ZNF208: variants seen among roughly 807,000 people sequenced by gnomAD.
ZNF208 encodes zinc finger protein 95.
In ZNF208, 10 loss-of-function variants were observed where a neutral mutation model predicts 12.1. The ratio of observed to expected loss-of-function variants is 0.83; its 90% CI spans 0.51 to 1.40. The LOEUF is 1.40. Among genes scored for constraint, ZNF208 ranks in the 40% most tolerant of loss-of-function variants. ZNF208 has a pLI of 0.00. For synonymous variants in ZNF208, 497 were observed against 488.4 expected, an observed-to-expected ratio of 1.02 and a Z score of -0.23; for missense variants, 1,652 against 1,485.0, an observed-to-expected ratio of 1.11 and a Z score of -1.85.
At position 21,974,607 on chromosome 19, in the gene ZNF208, T is replaced by A; in HGVS notation, c.427A>T (p.Lys143Ter). The A allele has an allele frequency of 6.2e-7, 1 of 1,613,744 alleles. No individual in the cohort carries two copies. Among genetic ancestry groups the A allele is most frequent in the Non-Finnish European group, 8.5e-7 (1 of 1,179,740 alleles). The change falls in exon 4 of 4, where the codon AAA becomes TAA. Residue 143 changes from lysine to a stop codon, truncating the protein, a stop_gained. Transcript: ENST00000397126. LOFTEE classifies it low-confidence loss of function (END_TRUNC). Reference protein sequence around the residue: ...LNQSLTTTQSKVFQRGKYANV... With the variant: ...LNQSLTTTQS ...GCATATTTGCCACGTTGAAATACTT[T>A]GCTCTGTGTAGTTGTCAAACTCTGG...
chr19:21,983,051 G>T (rs975979223), intron 3 of ZNF208, among the ~76,000 whole-genome samples: 1 of 151,980 alleles, frequency 6.6e-6, no homozygotes, highest in African/African-American at 2.4e-5. Flanking sequence ...CACAGCAAAA[G>T]AAACTATCAT....
At chr19:21,951,565 G>T (rs1027770055) in intron 4 of ZNF208, among the ~76,000 whole-genome samples, 1 of 152,178 alleles carries the variant, frequency 6.6e-6, no homozygotes, top group Non-Finnish European at 1.5e-5. Flanking sequence ...ATCATATGGT[G>T]TTCCTTAAAA....
chr19:21,970,693 A>C lies in ZNF208; in HGVS notation c.*498T>G, dbSNP rs2359812. ...TTTGCCACATTCTTCTCATTTGTAGAGTTTCTCTCCAGCATGAATTTTCTT... is the reference window on the plus strand; with the variant it reads ...TTTGCCACATTCTTCTCATTTGTAGCGTTTCTCTCCAGCATGAATTTTCTT... On this transcript the variant is annotated 3_prime_UTR_variant, in exon 4 of 4. Transcript: ENST00000397126. 1 of 1,126,986 alleles carries C rather than the reference A, an allele frequency of 8.9e-7. No individual in the cohort carries two copies. Among genetic ancestry groups the C allele is most frequent in the South Asian group, 1.2e-5 (1 of 81,288 alleles). 69.8% of individuals were successfully genotyped at this position (1,126,986 alleles called of 1,614,324 possible).
chr19:21,940,694 G>A (rs756540261), intron 4 of ZNF208: 1 of 152,364 alleles, frequency 6.6e-6, no homozygotes, highest in Non-Finnish European at 1.5e-5. Flanking sequence ...GCTCAGGCGT[G>A]AGGGGTGCGG....
chr19:21,939,876 G>C (rs1969706106), intron 4 of ZNF208: 1 of 152,140 alleles, frequency 6.6e-6, no homozygotes, highest in Non-Finnish European at 1.5e-5. Flanking sequence ...GTTAAAATGA[G>C]AAATCAGTTA....
intron 3 of ZNF208, 37 bp downstream of exon 3, chr19:21,987,179 C>T: frequency 1.9e-6 from 3 of 1,589,846 alleles, no homozygotes; most frequent in Non-Finnish European, 2.6e-6. Flanking sequence ...TGACTTTCGA[C>T]CTCTCATCCA....
In ZNF208 at chr19:21,974,044, T is replaced by G. The variant is rs573880477; in HGVS notation, c.990A>C (p.Thr330=). 1.4e-4 allele frequency: 184 copies of G among 1,326,650 alleles called. 22 individuals carry two copies. In the South Asian group the frequency reaches 1.6e-3, roughly 11 times the overall value. The allele number at this position is 1,326,650 out of a possible 1,614,324, so 82.2% of individuals were successfully genotyped here. Residue 330 remains threonine (T), a synonymous_variant, in exon 4 of 4, where the codon ACA becomes ACC. Coordinates refer to ENST00000397126, the MANE Select transcript of ZNF208 (RefSeq NM_007153.3). ...KAFSKVSTLI[T]HKAIHAGEKP... ...TCTCTCCAGCATGAATTGCCTTATG[T>G]GTAATAAGGGTTGAGACCTTACTGA...
At position 21,968,441 on chromosome 19, in the gene ZNF208, CCTA is replaced by C. The variant is rs1362538215; in HGVS notation, c.*2747_*2749del. The stretch of plus-strand genomic sequence containing the variant: ...GGTTTTCTTGAATGCTTTTTCTGCC[CCTA>C]CTGTTATTTTTTTTTCTTTTAATTA... On this transcript the variant is annotated 3_prime_UTR_variant, in exon 4 of 4. Coordinates refer to ENST00000397126, the MANE Select transcript of ZNF208 (RefSeq NM_007153.3). The C allele has an allele frequency of 6.6e-6, 1 of 151,816 alleles. No homozygotes were observed. The highest frequency in any genetic ancestry group is 6.6e-5 in the Admixed American group (1 of 15,236). The allele number at this position is 151,816 out of a possible 1,614,324, so 9.4% of individuals were successfully genotyped here.
At chr19:22,006,638 T>G (rs918968617) in intron 1 of ZNF208, among the ~76,000 whole-genome samples, 2 of 152,208 alleles carry the variant, frequency 1.3e-5, no homozygotes, top group Non-Finnish European at 2.9e-5. Context: ...CAGGAAAGGC[T>G]TTCCAGAAGG....
chr19:21,971,752 G>A lies in ZNF208; in HGVS notation c.3282C>T (p.Phe1094=), dbSNP rs1386664507. ...PYKCEECGKA[F]NWSSNLMEHK... ...GTTCCATAAGGTTTGAGGACCAGTTGAAAGCTTTGCCACATTCTTCACATT... is the reference window on the plus strand; with the variant it reads ...GTTCCATAAGGTTTGAGGACCAGTTAAAAGCTTTGCCACATTCTTCACATT... The change falls in exon 4 of 4, where the codon TTC becomes TTT. Residue 1094 remains phenylalanine, a synonymous_variant. Transcript: ENST00000397126. 3 of 1,609,980 alleles carry A rather than the reference G, an allele frequency of 1.9e-6. No homozygotes were observed. The highest frequency in any genetic ancestry group is 2.2e-5 in the South Asian group (2 of 90,854).
intron 4 of ZNF208, among the ~76,000 whole-genome samples, chr19:21,942,228 T>C (rs1969752418): frequency 6.6e-6 from 1 of 152,126 alleles, no homozygotes. Flanking sequence ...CAGTAATAAA[T>C]ATTCACAAAT....
At chr19:21,940,092 G>A (rs1009383399) in intron 4 of ZNF208, 1 of 152,178 alleles carries the variant, frequency 6.6e-6, no homozygotes, top group African/African-American at 2.4e-5. Context: ...AGATCACGAG[G>A]TGGGGAGTTC....
chr19:21,956,878 A>C (rs1969986806), intron 4 of ZNF208, among the ~76,000 whole-genome samples: 1 of 152,194 alleles, frequency 6.6e-6, no homozygotes, highest in Non-Finnish European at 1.5e-5. Context: ...CCAGTACCTC[A>C]GTTGAAAATG....
At chr19:21,986,137 A>G (rs1332298032) in intron 3 of ZNF208, among the ~76,000 whole-genome samples, 2 of 152,144 alleles carry the variant, frequency 1.3e-5, no homozygotes, top group African/African-American at 2.4e-5. Flanking sequence ...TTCATTGTCA[A>G]TGCTTCTATT....
At chr19:21,981,893 C>A (rs747095441) in intron 3 of ZNF208, among the ~76,000 whole-genome samples, 6 of 152,152 alleles carry the variant, frequency 3.9e-5, no homozygotes, top group Non-Finnish European at 7.4e-5. Context: ...GCAAAAATCA[C>A]AAGCATTCCT....
intron 1 of ZNF208, among the ~76,000 whole-genome samples, chr19:21,990,475 A>G (rs1368452357): frequency 6.6e-6 from 1 of 151,726 alleles, no homozygotes; most frequent in Non-Finnish European, 1.5e-5. Context: ...TACCAGTACC[A>G]TGATGTTTTG....
chr19:21,958,035 T>C lies in ZNF208; in HGVS notation c.305+16694A>G, dbSNP rs539466544. ...GGAGTGTGATGTTTCCCTTCCTGTG[T>C]CCATGTGTTCTTATTGTTCAATTCC... is the stretch of plus-strand genomic sequence containing the variant. On this transcript the variant is annotated intron_variant, in intron 4 of 4. Coordinates refer to the ZNF208 transcript ENST00000599916. 3.3e-5 allele frequency among the ~76,000 whole-genome samples: 5 copies of C among 152,058 alleles called. No homozygotes were observed. The South Asian group carries it at 1.0e-3, about 32-fold the overall frequency.
At chr19:21,963,431 T>C (rs1248260874), downstream of ZNF208, among the ~76,000 whole-genome samples, 1 of 152,022 alleles carries the variant, frequency 6.6e-6, no homozygotes, top group African/African-American at 2.4e-5. Context: ...ATTGAAGAAA[T>C]GTTTTAACCA....
intron 1 of ZNF208, among the ~76,000 whole-genome samples, chr19:21,991,889 A>T (rs188419582): frequency 1.8e-3 from 264 of 150,740 alleles, no homozygotes; most frequent in African/African-American, 5.9e-3. Flanking sequence ...GTTAATGCAG[A>T]TTTTTTTTTT....
Sources: allele counts gnomAD v4.1 joint callset (sites outside exome capture counted in the v4.1 genomes callset), GRCh38; gene constraint gnomAD v4.1.1; transcripts MANE v1.5; gene names NCBI Gene and HGNC (gene_info 2026-07-23, HGNC 2026-07-21).